Variants in GRAP2 observed in about 807,000 individuals in gnomAD.
GRAP2 encodes GRB2 related adaptor protein 2.
Under a neutral mutation model 43.5 loss-of-function variants are expected in GRAP2, and 31 were observed. The ratio of observed to expected loss-of-function variants is 0.71; its 90% CI spans 0.54 to 0.96. The LOEUF is 0.96. GRAP2 is among the 40% of genes least tolerant of loss of function. GRAP2 has a pLI of 0.00. For synonymous variants in GRAP2, 156 were observed against 164.8 expected (o/e 0.95, Z 0.41); for missense variants, 371 against 424.4 (o/e 0.87, Z 1.11).
At chr22:39,945,577 G>T (rs1311465067) in intron 1 of GRAP2, among the ~76,000 whole-genome samples, 1 of 152,094 alleles carries the variant, frequency 6.6e-6, no homozygotes, top group African/African-American at 2.4e-5. Flanking sequence ...TACCCTAAAG[G>T]GTTTGAAACT....
At chr22:39,943,961 C>T (rs761607187) in intron 1 of GRAP2, among the ~76,000 whole-genome samples, 6 of 152,020 alleles carry the variant, frequency 3.9e-5, no homozygotes, top group Non-Finnish European at 7.4e-5. Context: ...CCTCATGATC[C>T]GCCCGCCTCC....
intron 1 of GRAP2, among the ~76,000 whole-genome samples, chr22:39,943,177 A>G (rs2066887609): frequency 6.6e-6 from 1 of 152,234 alleles, no homozygotes; most frequent in African/African-American, 2.4e-5. Flanking sequence ...GTGTTTCTGA[A>G]CAAATCCACT....
chr22:39,917,366 A>C (rs137973), intron 1 of GRAP2, among the ~76,000 whole-genome samples: 150,086 of 152,276 alleles, frequency 0.99, 73,971 homozygotes, highest in Middle Eastern at 1. Flanking sequence ...AGCCAATTTC[A>C]CTAACAACAC....
upstream of GRAP2, among the ~76,000 whole-genome samples, chr22:39,900,833 A>G (rs1050214375): frequency 3.9e-5 from 6 of 152,290 alleles, no homozygotes; most frequent in Admixed American, 2.6e-4. Flanking sequence ...ATACTAAGAG[A>G]ATAAGAGTTT....
At chr22:39,959,992 A>G in intron 3 of GRAP2, 63 bp from the exon 4 acceptor site, 2 of 1,545,562 alleles carry the variant, frequency 1.3e-6, no homozygotes, top group Non-Finnish European at 1.8e-6. Flanking sequence ...CCTCTTCTCC[A>G]CGTCTCCCTC....
chr22:39,968,816 C>G (rs1376496950), intron 6 of GRAP2: 1 of 157,616 alleles, frequency 6.3e-6, no homozygotes. Context: ...AGCCTCGTCC[C>G]TGCTGCCTCC....
At position 39,939,515 on chromosome 22, in the gene GRAP2, T is replaced by G. The variant is rs180711149; in HGVS notation, c.-14-7578T>G. On this transcript the variant is annotated intron_variant, in intron 1 of 7. Transcript: ENST00000344138. ...AGCTGGAGCTTGCAGTGAGTGGAGA[T>G]CTTGCCACTGCACTCCAGCCTGGGG... Among the ~76,000 whole-genome samples the G allele has an allele frequency of 4.0e-4, 59 of 146,010 alleles. 2 individuals are homozygous for G. Among genetic ancestry groups the G allele is most frequent in the African/African-American group, 1.4e-3 (55 of 38,908 alleles).
At chr22:39,904,242 G>T (rs1229895371) in intron 1 of GRAP2, among the ~76,000 whole-genome samples, 1 of 152,178 alleles carries the variant, frequency 6.6e-6, no homozygotes, top group Non-Finnish European at 1.5e-5. Flanking sequence ...ACAAAAATTA[G>T]CCGGGCATGA....
At chr22:39,912,990 C>T (rs540691504) in intron 1 of GRAP2, among the ~76,000 whole-genome samples, 62 of 151,862 alleles carry the variant, frequency 4.1e-4, no homozygotes, top group African/African-American at 1.4e-3. Context: ...GTCAGGAGTT[C>T]GAGACCAGCC....
rs150852706 is a variant in GRAP2, at chr22:39,930,577, G to A, written c.-14-16516G>A. ...GTAGTTCAGGCCCTCATCATTACTA[G>A]CCAAGACTACTGCGATGCTTTCTCC... On this transcript the variant is annotated intron_variant, in intron 1 of 7. Transcript: ENST00000344138. 2.6e-4 allele frequency among the ~76,000 whole-genome samples: 40 copies of A among 152,324 alleles called. No homozygotes were observed. The East Asian group carries it at 7.1e-3, about 27-fold the overall frequency.
At chr22:39,899,626 A>G (rs1021405766), upstream of GRAP2, among the ~76,000 whole-genome samples, 2 of 152,180 alleles carry the variant, frequency 1.3e-5, no homozygotes, top group Non-Finnish European at 2.9e-5. Context: ...GATCCTTTTC[A>G]GATATAACCA....
chr22:39,959,910 G>A (rs1320385761), intron 3 of GRAP2, 145 bp from the exon 4 acceptor site: 3 of 704,704 alleles, frequency 4.3e-6, no homozygotes, highest in Non-Finnish European at 5.0e-6. Context: ...GCACTGGTTT[G>A]ATTTCAAACA....
rs576794286 is a variant in GRAP2, at chr22:39,964,172, A to T, written c.291-1818A>T. On this transcript the variant is annotated intron_variant, in intron 4 of 7. Coordinates refer to ENST00000344138, the MANE Select transcript of GRAP2 (RefSeq NM_004810.4). ...GTTTGAAAAATAAACTTTACATCCA[A>T]AAGAGAATGACTTGGCAATGAAGTA... 3.4e-5 allele frequency: 18 copies of T among 524,274 alleles called. 1 individual carries two copies. The South Asian group carries it at 5.2e-4, about 15-fold the overall frequency. The allele number at this position is 524,274 out of a possible 1,614,324, so 32.5% of individuals were successfully genotyped here.
At chr22:39,949,681 T>C (rs2066961098) in intron 2 of GRAP2, among the ~76,000 whole-genome samples, 1 of 152,184 alleles carries the variant, frequency 6.6e-6, no homozygotes. Flanking sequence ...TGAGCTTTAG[T>C]GTCTTCCTCA....
At chr22:39,929,470 C>G (rs1308347711) in intron 1 of GRAP2, among the ~76,000 whole-genome samples, 3 of 152,138 alleles carry the variant, frequency 2.0e-5, no homozygotes, top group Non-Finnish European at 2.9e-5. Flanking sequence ...GCTGAGAATC[C>G]CTGCCAACAT....
intron 1 of GRAP2, among the ~76,000 whole-genome samples, chr22:39,938,271 A>G (rs907142695): frequency 6.6e-6 from 1 of 152,280 alleles, no homozygotes; most frequent in Non-Finnish European, 1.5e-5. Context: ...TGAAGTCTCC[A>G]TAATCCACAG....
chr22:39,930,457 G>A (rs2066745344), intron 1 of GRAP2, among the ~76,000 whole-genome samples: 1 of 152,154 alleles, frequency 6.6e-6, no homozygotes, highest in Admixed American at 6.5e-5. Flanking sequence ...ATTCTTGCAT[G>A]CTTTAAATGA....
intron 1 of GRAP2, among the ~76,000 whole-genome samples, chr22:39,904,753 A>G (rs2066512729): frequency 6.6e-6 from 1 of 152,204 alleles, no homozygotes; most frequent in African/African-American, 2.4e-5. Context: ...TAAAAAAAGA[A>G]TCTAATTTTT....
At chr22:39,943,672 A>T (rs1847636747) in intron 1 of GRAP2, among the ~76,000 whole-genome samples, 1 of 150,618 alleles carries the variant, frequency 6.6e-6, no homozygotes, top group Non-Finnish European at 1.5e-5. Flanking sequence ...GGGAAAGCAC[A>T]TTTAATCCGT....
Sources: gnomAD v4.1 joint callset for allele counts (sites outside exome capture counted in the v4.1 genomes callset) on GRCh38, gnomAD v4.1.1 for gene constraint, MANE v1.5 for transcripts, NCBI Gene and HGNC (gene_info 2026-07-23, HGNC 2026-07-21) for gene names.